Variants in HSD17B12 observed in about 807,000 individuals in gnomAD.
HSD17B12 encodes the protein hydroxysteroid 17-beta dehydrogenase 12.
HSD17B12 carries 32 observed loss-of-function variants against 39.3 expected under a neutral mutation model. The observed-to-expected ratio is 0.81, with a 90% CI of 0.61 to 1.09. The LOEUF (loss-of-function observed/expected upper bound fraction) is 1.09. Ranked by LOEUF, HSD17B12 falls within the 50% of genes least tolerant of loss-of-function variation. The pLI, the probability that HSD17B12 is intolerant of heterozygous loss-of-function variation, is 0.00. For synonymous variants in HSD17B12, 150 were observed against 146.7 expected, an observed-to-expected ratio of 1.02 and a Z score of -0.16; for missense variants, 342 against 382.9, an observed-to-expected ratio of 0.89 and a Z score of 0.89.
intron 3 of HSD17B12, among the ~76,000 whole-genome samples, chr11:43,786,156 A>G (rs1950814083): frequency 6.6e-6 from 1 of 152,272 alleles, no homozygotes; most frequent in Admixed American, 6.5e-5. Context: ...TCTTTCATAT[A>G]AAGTGGGTTG....
At chr11:43,730,284 CTG>C (rs1234113723) in intron 1 of HSD17B12, among the ~76,000 whole-genome samples, 1 of 152,164 alleles carries the variant, frequency 6.6e-6, no homozygotes, top group African/African-American at 2.4e-5. Flanking sequence ...AGTATAATCT[CTG>C]TAACTGAGAA....
the HSD17B12 span, among the ~76,000 whole-genome samples, chr11:43,580,346 C>T: frequency 7.8e-6 from 1 of 128,748 alleles, no homozygotes; most frequent in African/African-American, 3.0e-5. Context: ...TGTTGTTCCC[C>T]CTAGCATTCT....
chr11:43,699,234 G>A (rs187975550), intron 1 of HSD17B12, among the ~76,000 whole-genome samples: 4 of 152,174 alleles, frequency 2.6e-5, no homozygotes, highest in African/African-American at 9.6e-5. Context: ...ATAAGTTCCT[G>A]TCATTTCTCA....
intron 3 of HSD17B12, among the ~76,000 whole-genome samples, chr11:43,784,884 A>G (rs1241228256): frequency 6.6e-6 from 1 of 152,194 alleles, no homozygotes; most frequent in Non-Finnish European, 1.5e-5. Flanking sequence ...TGAGCAGCAT[A>G]GTATTTCTTA....
chr11:43,790,078 A>G (rs1950853297), intron 3 of HSD17B12, among the ~76,000 whole-genome samples: 1 of 152,250 alleles, frequency 6.6e-6, no homozygotes, highest in Non-Finnish European at 1.5e-5. Context: ...TTCACCAATT[A>G]AACTGACTTG....
At chr11:43,780,508 A>C (rs1262264222) in intron 3 of HSD17B12, among the ~76,000 whole-genome samples, 1 of 152,060 alleles carries the variant, frequency 6.6e-6, no homozygotes, top group East Asian at 1.9e-4. Context: ...TTACATATGT[A>C]ATGTATGTGC....
At chr11:43,797,517 A>G (rs750452089) in intron 3 of HSD17B12, among the ~76,000 whole-genome samples, 1 of 152,218 alleles carries the variant, frequency 6.6e-6, no homozygotes, top group Non-Finnish European at 1.5e-5. Context: ...GACTTGCTTA[A>G]AGTCATTTTG....
intron 1 of HSD17B12, among the ~76,000 whole-genome samples, chr11:43,713,543 C>G (rs1290586787): frequency 1.3e-5 from 2 of 151,968 alleles, no homozygotes; most frequent in Non-Finnish European, 2.9e-5. Flanking sequence ...GGACATTTGG[C>G]TTGGTTCCAA....
chr11:43,592,208 A>C, the HSD17B12 span, among the ~76,000 whole-genome samples: 141 of 152,204 alleles, frequency 9.3e-4, 1 homozygote, highest in African/African-American at 3.3e-3. Flanking sequence ...TTTTATTTAT[A>C]ATATTTATAC....
the HSD17B12 span, among the ~76,000 whole-genome samples, chr11:43,671,104 T>C: frequency 1.3e-5 from 2 of 152,228 alleles, no homozygotes; most frequent in African/African-American, 4.8e-5. Context: ...CCTACAGTTA[T>C]GCTGGAAATA....
intron 7 of HSD17B12, among the ~76,000 whole-genome samples, chr11:43,837,261 C>T (rs1176509040): frequency 6.6e-6 from 1 of 152,050 alleles, no homozygotes; most frequent in East Asian, 1.9e-4. Context: ...TCTTTATAGT[C>T]CCTTTTTTAA....
intron 3 of HSD17B12, among the ~76,000 whole-genome samples, chr11:43,795,002 A>G (rs1416771022): frequency 6.6e-6 from 1 of 151,032 alleles, no homozygotes; most frequent in African/African-American, 2.4e-5. Context: ...GCTGTTGCTG[A>G]GTTGTAGACT....
chr11:43,586,561 T>A, the HSD17B12 span, among the ~76,000 whole-genome samples: 1 of 152,182 alleles, frequency 6.6e-6, no homozygotes. Flanking sequence ...ATCTCCTTTA[T>A]AAGCAAGAAG....
intron 1 of HSD17B12, among the ~76,000 whole-genome samples, chr11:43,718,441 C>A (rs1950146113): frequency 1.3e-5 from 2 of 152,164 alleles, no homozygotes; most frequent in Non-Finnish European, 2.9e-5. Context: ...AGTACAGCTT[C>A]TTTAGATCTA....
chr11:43,791,081 A>T (rs1950863752), intron 3 of HSD17B12, among the ~76,000 whole-genome samples: 1 of 152,200 alleles, frequency 6.6e-6, no homozygotes, highest in African/African-American at 2.4e-5. Context: ...GGTATTCTTG[A>T]AAGTTCAAAG....
chr11:43,696,136 A>G (rs899261536), intron 1 of HSD17B12, among the ~76,000 whole-genome samples: 3 of 152,256 alleles, frequency 2.0e-5, no homozygotes, highest in Admixed American at 2.0e-4. Context: ...GTTAAAGATA[A>G]TGGCCTCTAG....
chr11:43,711,517 G>A (rs1009032473), intron 1 of HSD17B12, among the ~76,000 whole-genome samples: 25 of 146,268 alleles, frequency 1.7e-4, no homozygotes, highest in African/African-American at 6.1e-4. Context: ...CTCTGTTGCC[G>A]AGGCTAGAGT....
chr11:43,777,534 C>A (rs1306486749), intron 3 of HSD17B12, among the ~76,000 whole-genome samples: 1 of 152,114 alleles, frequency 6.6e-6, no homozygotes, highest in African/African-American at 2.4e-5. Flanking sequence ...TCTAGATATA[C>A]AATCATGTTG....
chr11:43,687,460 T>C (rs1390819697), intron 1 of HSD17B12, among the ~76,000 whole-genome samples: 1 of 152,216 alleles, frequency 6.6e-6, no homozygotes, highest in East Asian at 1.9e-4. Context: ...TGAGAATTTG[T>C]GAGGGAAAGT....
Sources: gnomAD v4.1 joint callset for allele counts (sites outside exome capture counted in the v4.1 genomes callset) on GRCh38, gnomAD v4.1.1 for gene constraint, MANE v1.5 for transcripts, NCBI Gene and HGNC (gene_info 2026-07-23, HGNC 2026-07-21) for gene names.